ANKRD11: variants seen among roughly 807,000 people sequenced by gnomAD.
The protein encoded by ANKRD11 is ankyrin repeat domain 11.
In ANKRD11, 17 loss-of-function variants were observed where a neutral mutation model predicts 195.7. The observed-to-expected ratio is 0.09, with a 90% CI of 0.06 to 0.13. ANKRD11 has a LOEUF of 0.13. ANKRD11 is among the 10% of genes least tolerant of loss of function. The probability of loss-of-function intolerance (pLI) is 1.00; values close to 1 mark genes in which losing one functional copy is unlikely to be tolerated. For missense variants in ANKRD11, 3,735 were observed against 3,566.1 expected (o/e 1.05, Z -1.21); for synonymous variants, 1,953 against 1,528.1 (o/e 1.28, Z -6.49).
chr16:89,275,413 C>T (rs1388415629), intron 9 of ANKRD11, among the ~76,000 whole-genome samples: 2 of 152,240 alleles, frequency 1.3e-5, no homozygotes, highest in East Asian at 3.9e-4. Context: ...CGTACAGCAC[C>T]ACGCAGTGAG....
At chr16:89,350,463 CT>C (rs886888349) in intron 2 of ANKRD11, among the ~76,000 whole-genome samples, 1 of 152,156 alleles carries the variant, frequency 6.6e-6, no homozygotes, top group African/African-American at 2.4e-5. Flanking sequence ...TATCTACCCC[CT>C]AAAAAGCTAC....
chr16:89,332,878 G>A (rs531229486), intron 2 of ANKRD11, among the ~76,000 whole-genome samples: 2 of 152,328 alleles, frequency 1.3e-5, no homozygotes, highest in East Asian at 3.9e-4. Context: ...TTACTCCTTA[G>A]GGCTGCTTTG....
intron 3 of ANKRD11, 67 bp from the exon 4 acceptor site, chr16:89,305,411 T>C: frequency 1.2e-6 from 2 of 1,607,614 alleles, no homozygotes; most frequent in Middle Eastern, 1.7e-4. Flanking sequence ...CAAGATTTTG[T>C]TTCATATGCC....
intron 2 of ANKRD11, among the ~76,000 whole-genome samples, chr16:89,401,784 C>A (rs1389272109): frequency 6.6e-6 from 1 of 152,084 alleles, no homozygotes; most frequent in African/African-American, 2.4e-5. Flanking sequence ...GAGCTGTGCA[C>A]GCAGGGAGAA....
At chr16:89,418,209 C>T (rs1436277289) in intron 2 of ANKRD11, 75 bp downstream of exon 2, 4 of 443,716 alleles carry the variant, frequency 9.0e-6, no homozygotes, top group South Asian at 1.6e-5. Flanking sequence ...TGGACACTCA[C>T]GCATTATTTT....
At chr16:89,305,063 G>T in intron 4 of ANKRD11, 143 bp downstream of exon 4, 1 of 1,313,584 alleles carries the variant, frequency 7.6e-7, no homozygotes, top group Non-Finnish European at 1.0e-6. Context: ...CTCCGCCCCT[G>T]CTGCCTCTTG....
intron 1 of ANKRD11, among the ~76,000 whole-genome samples, chr16:89,442,443 G>C (rs1191160700): frequency 6.6e-6 from 1 of 152,158 alleles, no homozygotes; most frequent in Non-Finnish European, 1.5e-5. Flanking sequence ...GGCTCAAGCT[G>C]GATCCTGAGT....
At chr16:89,422,450 C>T (rs561748322) in intron 1 of ANKRD11, among the ~76,000 whole-genome samples, 1 of 152,200 alleles carries the variant, frequency 6.6e-6, no homozygotes, top group African/African-American at 2.4e-5. Flanking sequence ...CTGGTCTCAT[C>T]GGTAAACAAG....
At chr16:89,464,546 T>C (rs2056814606) in intron 1 of ANKRD11, among the ~76,000 whole-genome samples, 1 of 143,504 alleles carries the variant, frequency 7.0e-6, no homozygotes, top group South Asian at 2.1e-4. Context: ...AGGTGGAGGC[T>C]GTAGTGAGCC....
chr16:89,305,223 T>C lies in ANKRD11; in HGVS notation c.209A>G (p.Gln70Arg). 6.2e-7 allele frequency: 1 copy of C among 1,613,274 alleles called. No homozygotes were observed. The highest frequency in any genetic ancestry group is 8.5e-7 in the Non-Finnish European group (1 of 1,179,830). ...GCTGGTACCTGTGTCCGAGTCCTTC[T>C]GCTCCCCATTGGCGCCCGCGGTGAA... ...LPFTAGANGEQKDSDTEKQGP... is the reference protein window; with the variant it reads ...LPFTAGANGERKDSDTEKQGP... Residue 70 changes from glutamine (Q) to arginine (R), a missense_variant, in exon 4 of 13, where the codon CAG (glutamine) becomes CGG (arginine). Coordinates refer to ENST00000301030, the MANE Select transcript of ANKRD11 (RefSeq NM_013275.6).
chr16:89,370,535 C>A (rs1453708426), intron 2 of ANKRD11: 2 of 152,330 alleles, frequency 1.3e-5, no homozygotes, highest in East Asian at 3.9e-4. Context: ...CTGGAGCACA[C>A]CTCCTGCTGA....
intron 2 of ANKRD11, among the ~76,000 whole-genome samples, chr16:89,389,539 T>C (rs2041077705): frequency 6.6e-6 from 1 of 151,806 alleles, no homozygotes; most frequent in Admixed American, 6.6e-5. Flanking sequence ...ACACGGAAGC[T>C]AGGAAAAGAC....
chr16:89,356,076 T>C (rs1356814703), intron 2 of ANKRD11, among the ~76,000 whole-genome samples: 1 of 152,150 alleles, frequency 6.6e-6, no homozygotes, highest in African/African-American at 2.4e-5. Context: ...GTGAGACTTG[T>C]CTCAAAACAA....
At chr16:89,345,208 G>GAA (rs1294514099) in intron 2 of ANKRD11, among the ~76,000 whole-genome samples, 1 of 148,446 alleles carries the variant, frequency 6.7e-6, no homozygotes, top group African/African-American at 2.5e-5. Flanking sequence ...TGTAAAGATG[G>GAA]AAAAAAAAAA....
intron 11 of ANKRD11, among the ~76,000 whole-genome samples, chr16:89,273,503 C>T (rs929821932): frequency 2.0e-5 from 3 of 152,024 alleles, no homozygotes; most frequent in South Asian, 2.1e-4. Flanking sequence ...AGATCGAGAC[C>T]ATCCTGGACA....
intron 11 of ANKRD11, chr16:89,272,685 A>C (rs1430276300): frequency 6.6e-6 from 1 of 152,186 alleles, no homozygotes; most frequent in Admixed American, 6.5e-5. Flanking sequence ...AAGGAAAAGG[A>C]ATCAGTATAT....
intron 1 of ANKRD11, among the ~76,000 whole-genome samples, chr16:89,463,213 C>G (rs927654065): frequency 1.3e-5 from 2 of 152,110 alleles, no homozygotes; most frequent in Non-Finnish European, 2.9e-5. Context: ...ATGACAGTGG[C>G]GGTTTTGTGG....
At chr16:89,439,990 C>T (rs1348193730) in intron 1 of ANKRD11, among the ~76,000 whole-genome samples, 2 of 152,208 alleles carry the variant, frequency 1.3e-5, no homozygotes, top group Admixed American at 6.5e-5. Context: ...CCGCAGCCCA[C>T]TACCTTAACT....
intron 2 of ANKRD11, among the ~76,000 whole-genome samples, chr16:89,375,599 G>C (rs1318331821): frequency 6.6e-6 from 1 of 151,752 alleles, no homozygotes; most frequent in Admixed American, 6.6e-5. Flanking sequence ...GATTACAGGC[G>C]CCCGCCACCA....
Sources: gnomAD v4.1 joint callset for allele counts (sites outside exome capture counted in the v4.1 genomes callset) on GRCh38, gnomAD v4.1.1 for gene constraint, MANE v1.5 for transcripts, NCBI Gene and HGNC (gene_info 2026-07-23, HGNC 2026-07-21) for gene names.